Variants in KLF7 observed in about 807,000 individuals in gnomAD.
The protein encoded by KLF7 is KLF transcription factor 7.
Under a neutral mutation model 27.3 loss-of-function variants are expected in KLF7, and 2 were observed. The ratio of observed to expected loss-of-function variants is 0.07; its 90% CI spans 0.03 to 0.23. KLF7 has a LOEUF of 0.23. KLF7 is among the 10% of genes least tolerant of loss of function. The pLI is 1.00. For synonymous variants in KLF7, 165 were observed against 162.4 expected (o/e 1.02, Z -0.12); for missense variants, 221 against 394.1 (o/e 0.56, Z 3.72).
At chr2:207,140,352 T>G (rs1441525613) in intron 1 of KLF7, among the ~76,000 whole-genome samples, 3 of 152,206 alleles carry the variant, frequency 2.0e-5, no homozygotes, top group Admixed American at 2.0e-4. Flanking sequence ...TTTCTAATTT[T>G]AATAAATATG....
At chr2:207,166,074 T>TC, upstream of KLF7, 1 of 896,220 alleles carries the variant, frequency 1.1e-6, no homozygotes, top group Non-Finnish European at 1.3e-6. Flanking sequence ...TTTGTAGTCT[T>TC]CCCCCTCCCT....
intron 2 of KLF7, 145 bp from the exon 3 acceptor site, chr2:207,088,726 A>G: frequency 2.4e-6 from 2 of 834,414 alleles, no homozygotes; most frequent in Admixed American, 3.2e-5. Context: ...ATAGTATACC[A>G]CTGTCTTTTG....
At chr2:207,135,481 A>C (rs1439455289) in intron 1 of KLF7, among the ~76,000 whole-genome samples, 2 of 77,654 alleles carry the variant, frequency 2.6e-5, no homozygotes, top group Non-Finnish European at 5.4e-5. Context: ...CAAGCCTCAC[A>C]ACATCTAAAA....
intron 1 of KLF7, among the ~76,000 whole-genome samples, chr2:207,162,111 A>G (rs1368543741): frequency 2.0e-5 from 3 of 152,230 alleles, no homozygotes; most frequent in Admixed American, 6.5e-5. Flanking sequence ...TTGTATATTC[A>G]AGAAGAAAAT....
At chr2:207,151,723 TACACACACACAC>T (rs72289250) in intron 1 of KLF7, among the ~76,000 whole-genome samples, 160 of 149,968 alleles carry the variant, frequency 1.1e-3, no homozygotes, top group African/African-American at 3.7e-3. Flanking sequence ...TGAAAAATTT[TACACACACACAC>T]ACACACACAC....
intron 2 of KLF7, among the ~76,000 whole-genome samples, chr2:207,102,471 C>T (rs2076790268): frequency 6.6e-6 from 1 of 152,036 alleles, no homozygotes; most frequent in Non-Finnish European, 1.5e-5. Flanking sequence ...ATTAATTTCC[C>T]AGTCACTTCA....
At chr2:207,161,991 CA>C (rs2078561237) in intron 1 of KLF7, among the ~76,000 whole-genome samples, 1 of 152,094 alleles carries the variant, frequency 6.6e-6, no homozygotes, top group African/African-American at 2.4e-5. Flanking sequence ...CGATGCTCCT[CA>C]ATGACACGAC....
At chr2:207,166,842 G>A (rs548142992), upstream of KLF7, 31 of 1,038,994 alleles carry the variant, frequency 3.0e-5, no homozygotes, top group South Asian at 4.5e-5. Flanking sequence ...GCCTGAGGAG[G>A]AAGTGCCACA....
chr2:207,092,765 A>G (rs753687428), intron 2 of KLF7, among the ~76,000 whole-genome samples: 13 of 152,248 alleles, frequency 8.5e-5, no homozygotes, highest in Non-Finnish European at 1.2e-4. Flanking sequence ...TTGAGCATGC[A>G]TCTATGATAT....
At chr2:207,154,723 A>G (rs2078334974) in intron 1 of KLF7, among the ~76,000 whole-genome samples, 1 of 152,216 alleles carries the variant, frequency 6.6e-6, no homozygotes, top group South Asian at 2.1e-4. Context: ...TATGTGCCAG[A>G]CACTAGGTCA....
At chr2:207,151,723 TACACACAC>T (rs72289250) in intron 1 of KLF7, among the ~76,000 whole-genome samples, 37 of 149,966 alleles carry the variant, frequency 2.5e-4, no homozygotes, top group African/African-American at 5.1e-4. Flanking sequence ...TGAAAAATTT[TACACACAC>T]ACACACACAC....
intron 2 of KLF7, among the ~76,000 whole-genome samples, chr2:207,109,290 A>T (rs2105930859): frequency 6.6e-6 from 1 of 152,370 alleles, no homozygotes; most frequent in East Asian, 1.9e-4. Context: ...AGCTATTCTG[A>T]ATTAGTAGTT....
At chr2:207,105,747 G>C (rs2076868177) in intron 2 of KLF7, among the ~76,000 whole-genome samples, 1 of 152,198 alleles carries the variant, frequency 6.6e-6, no homozygotes, top group East Asian at 1.9e-4. Context: ...TGATCAAAGA[G>C]GAGTATCAGT....
At chr2:207,151,419 G>C (rs1178711227) in intron 1 of KLF7, among the ~76,000 whole-genome samples, 1 of 152,086 alleles carries the variant, frequency 6.6e-6, no homozygotes, top group Admixed American at 6.6e-5. Context: ...ATCGGAAAGA[G>C]ATGTCTAATA....
chr2:207,167,422 G>T (rs2106166415), upstream of KLF7, among the ~76,000 whole-genome samples: 1 of 152,324 alleles, frequency 6.6e-6, no homozygotes, highest in South Asian at 2.1e-4. Context: ...AGTAATGGAA[G>T]AAACGCTTCA....
In KLF7 at chr2:207,076,109, T is replaced by C. The variant is rs185058641; in HGVS notation, c.*5104A>G. On this transcript the variant is annotated 3_prime_UTR_variant, in exon 4 of 4. Coordinates refer to ENST00000309446, the MANE Select transcript of KLF7 (RefSeq NM_003709.4). ...TCCTCCGAAACGTCAGTAGCCTGTT[T>C]TCCTTCCGTGAAGGTACGACAGGTA... 2.0e-5 allele frequency: 3 copies of C among 152,300 alleles called. No homozygotes were observed. Among genetic ancestry groups the C allele is most frequent in the East Asian group, 1.9e-4 (1 of 5,182 alleles). 9.4% of individuals were successfully genotyped at this position (152,300 alleles called of 1,614,324 possible).
intron 1 of KLF7, among the ~76,000 whole-genome samples, chr2:207,155,797 A>G (rs543045991): frequency 6.6e-6 from 1 of 152,346 alleles, no homozygotes; most frequent in Admixed American, 6.5e-5. Context: ...GCACTTCACT[A>G]ACATGGTCTG....
At chr2:207,115,494 G>A (rs1234839465) in intron 2 of KLF7, among the ~76,000 whole-genome samples, 1 of 152,216 alleles carries the variant, frequency 6.6e-6, no homozygotes, top group Non-Finnish European at 1.5e-5. Context: ...GCAGGAGTGA[G>A]AAGTAACTCC....
chr2:207,166,974 T>C (rs79977714), upstream of KLF7: 33 of 512,258 alleles, frequency 6.4e-5, no homozygotes, highest in Admixed American at 8.9e-5. Flanking sequence ...CGCGCCTCCT[T>C]CTGACCCCGA....
Sources: gnomAD v4.1 joint callset for allele counts (sites outside exome capture counted in the v4.1 genomes callset) on GRCh38, gnomAD v4.1.1 for gene constraint, MANE v1.5 for transcripts, NCBI Gene and HGNC (gene_info 2026-07-23, HGNC 2026-07-21) for gene names.